SPATS2: variants seen among roughly 807,000 people sequenced by gnomAD.
SPATS2 encodes the protein spermatogenesis associated serine rich 2, also known as spermatogenesis-associated serine-rich protein 2.
Under a neutral mutation model 63.7 loss-of-function variants are expected in SPATS2, and 38 were observed. That is an observed-to-expected ratio of 0.60 (90% confidence interval 0.46 to 0.78). The LOEUF is 0.78. SPATS2 is among the 30% of genes least tolerant of loss of function. SPATS2 has a pLI of 0.00. For missense variants in SPATS2, 588 were observed against 666.2 expected, an observed-to-expected ratio of 0.88 and a Z score of 1.29; for synonymous variants, 207 against 232.9, an observed-to-expected ratio of 0.89 and a Z score of 1.01.
intron 1 of SPATS2, among the ~76,000 whole-genome samples, chr12:49,369,030 CTTTTTTTTTTTTT>C (rs35158946): frequency 2.3e-4 from 24 of 102,600 alleles, no homozygotes; most frequent in African/African-American, 1.1e-3. Context: ...CAATGTGCCT[CTTTTTTTTTTTTT>C]TTTTTTTTTT....
intron 2 of SPATS2, among the ~76,000 whole-genome samples, chr12:49,422,910 TA>T (rs879413152): frequency 2.2e-3 from 323 of 145,612 alleles, no homozygotes; most frequent in African/African-American, 3.7e-3. Flanking sequence ...AGACCCTATT[TA>T]AAAAAAAAAA....
At chr12:49,508,723 C>T (rs1381325646) in intron 9 of SPATS2, among the ~76,000 whole-genome samples, 1 of 151,692 alleles carries the variant, frequency 6.6e-6, no homozygotes, top group Non-Finnish European at 1.5e-5. Flanking sequence ...GCATGAGCCA[C>T]AGTGCCTGGC....
intron 3 of SPATS2, among the ~76,000 whole-genome samples, chr12:49,470,691 C>A (rs537886790): frequency 7.7e-4 from 118 of 152,264 alleles, no homozygotes; most frequent in African/African-American, 2.4e-3. Context: ...AAGATCATCT[C>A]CTTCAGTTAC....
intron 9 of SPATS2, among the ~76,000 whole-genome samples, chr12:49,514,029 C>T (rs545600547): frequency 1.3e-5 from 2 of 151,864 alleles, no homozygotes; most frequent in Non-Finnish European, 2.9e-5. Context: ...TGGTGGCGGG[C>T]GCCTGTAGTC....
intron 8 of SPATS2, among the ~76,000 whole-genome samples, chr12:49,499,640 A>G (rs936516710): frequency 3.3e-5 from 5 of 152,078 alleles, no homozygotes; most frequent in Non-Finnish European, 7.4e-5. Flanking sequence ...CCAAATTCCC[A>G]ACTTTGTCCC....
chr12:49,410,714 C>G (rs1357300388), intron 2 of SPATS2, among the ~76,000 whole-genome samples: 1 of 152,016 alleles, frequency 6.6e-6, no homozygotes, highest in African/African-American at 2.4e-5. Flanking sequence ...ACGTTTATTC[C>G]TCTGTTAGAT....
chr12:49,467,969 G>A (rs1945954982), intron 3 of SPATS2, among the ~76,000 whole-genome samples: 1 of 151,824 alleles, frequency 6.6e-6, no homozygotes, highest in Non-Finnish European at 1.5e-5. Context: ...TCCTGACCTC[G>A]TGATCCACCC....
At chr12:49,385,827 GT>G (rs200606039) in intron 2 of SPATS2, among the ~76,000 whole-genome samples, 1 of 147,912 alleles carries the variant, frequency 6.8e-6, no homozygotes, top group South Asian at 2.1e-4. Context: ...ATTTTGTGGG[GT>G]TTTTTTTGTT....
intron 1 of SPATS2, among the ~76,000 whole-genome samples, chr12:49,370,248 C>T (rs994792567): frequency 6.6e-6 from 1 of 152,162 alleles, no homozygotes; most frequent in African/African-American, 2.4e-5. Context: ...TTTGTGTATA[C>T]TATTCTAAAA....
At chr12:49,424,411 C>G (rs1467856920) in intron 2 of SPATS2, among the ~76,000 whole-genome samples, 2 of 152,158 alleles carry the variant, frequency 1.3e-5, no homozygotes, top group Non-Finnish European at 2.9e-5. Flanking sequence ...GCCCCAGAGG[C>G]ATATGCTTTT....
chr12:49,460,716 G>C, intron 2 of SPATS2, 54 bp from the exon 3 acceptor site: 1 of 339,146 alleles, frequency 2.9e-6, no homozygotes, highest in Non-Finnish European at 5.3e-6. Context: ...CAGAAATTTT[G>C]TACAGATAGT....
At chr12:49,463,831 A>C (rs1351753018) in intron 3 of SPATS2, among the ~76,000 whole-genome samples, 2 of 152,214 alleles carry the variant, frequency 1.3e-5, no homozygotes, top group Non-Finnish European at 2.9e-5. Flanking sequence ...TCCTTTTGTC[A>C]GTAATACTTG....
chr12:49,389,687 A>C, intron 2 of SPATS2: 1 of 1,527,890 alleles, frequency 6.5e-7, no homozygotes, highest in Non-Finnish European at 9.1e-7. Flanking sequence ...TGAAGTCGCA[A>C]GAACATCGGC....
chr12:49,375,718 C>T (rs1944088226), intron 2 of SPATS2, among the ~76,000 whole-genome samples: 1 of 152,186 alleles, frequency 6.6e-6, no homozygotes, highest in East Asian at 1.9e-4. Context: ...CAGTGAAACT[C>T]ATCTGTAACT....
intron 2 of SPATS2, among the ~76,000 whole-genome samples, chr12:49,396,830 T>C (rs1405831539): frequency 6.6e-6 from 1 of 152,242 alleles, no homozygotes; most frequent in Admixed American, 6.5e-5. Context: ...CTAAACTCTT[T>C]TGTAACTCCT....
At chr12:49,383,744 A>G (rs926748026) in intron 2 of SPATS2, among the ~76,000 whole-genome samples, 2 of 152,160 alleles carry the variant, frequency 1.3e-5, no homozygotes. Flanking sequence ...TAAAATGTAT[A>G]TACCATTTTA....
At chr12:49,472,288 C>G (rs1946048399) in intron 3 of SPATS2, among the ~76,000 whole-genome samples, 1 of 151,796 alleles carries the variant, frequency 6.6e-6, no homozygotes, top group African/African-American at 2.4e-5. Context: ...CCACCCACCT[C>G]CAATGGGTTT....
At chr12:49,375,493 A>G (rs1282453178) in intron 2 of SPATS2, among the ~76,000 whole-genome samples, 2 of 152,194 alleles carry the variant, frequency 1.3e-5, no homozygotes, top group African/African-American at 4.8e-5. Flanking sequence ...ATAGCATGTC[A>G]GTGTGGTTAG....
At position 49,389,624 on chromosome 12, in the gene SPATS2, A is replaced by C. The variant is rs974164559; in HGVS notation, c.-244+18334A>C. Reference sequence around the variant, plus strand: ...TCTGATTGAGCAAACCACAGCTCTCAATAAGCGAGTAGAAGCCACGAAGCA... The same window carrying C: ...TCTGATTGAGCAAACCACAGCTCTCCATAAGCGAGTAGAAGCCACGAAGCA... On this transcript the variant is annotated intron_variant, in intron 2 of 13. Transcript: ENST00000552918. The C allele has an allele frequency of 1.9e-5, 22 of 1,151,010 alleles. No individual in the cohort carries two copies. In the African/African-American group the frequency reaches 2.7e-4, roughly 14 times the overall value. The allele number at this position is 1,151,010 out of a possible 1,614,324, so 71.3% of individuals were successfully genotyped here. A position where few individuals can be genotyped will look rare whatever the true frequency, so the allele number is the denominator to read the frequency against.
Sources: gnomAD v4.1 joint callset for allele counts (sites outside exome capture counted in the v4.1 genomes callset) on GRCh38, gnomAD v4.1.1 for gene constraint, MANE v1.5 for transcripts, NCBI Gene and HGNC (gene_info 2026-07-23, HGNC 2026-07-21) for gene names.